Variants in ATP11C observed in about 807,000 individuals in gnomAD.
ATP11C encodes the protein ATPase phospholipid transporting 11C (ATP11C blood group).
In ATP11C, 36 loss-of-function variants were observed where a neutral mutation model predicts 97.4. The observed-to-expected ratio is 0.37, with a 90% CI of 0.28 to 0.49. The LOEUF (loss-of-function observed/expected upper bound fraction) is 0.49. Ranked by LOEUF, ATP11C falls within the 20% of genes least tolerant of loss-of-function variation. The probability of loss-of-function intolerance (pLI) is 0.98; values close to 1 mark genes in which losing one functional copy is unlikely to be tolerated. For missense variants in ATP11C, 730 were observed against 824.6 expected (o/e 0.89, Z 1.40); for synonymous variants, 275 against 290.9 (o/e 0.95, Z 0.56).
chrX:139,743,091 T>C (rs1324900347), intron 26 of ATP11C, among the ~76,000 whole-genome samples: 1 of 108,212 alleles, frequency 9.2e-6, no homozygotes, highest in African/African-American at 3.4e-5. Flanking sequence ...TTTTCACATA[T>C]TATCTTGCTC....
intron 20 of ATP11C, among the ~76,000 whole-genome samples, chrX:139,766,913 T>G (rs758261846): frequency 8.1e-5 from 9 of 111,054 alleles, no homozygotes; most frequent in Non-Finnish European, 1.7e-4. Flanking sequence ...GCCAGGGGAA[T>G]TCAGAGAGAG....
At chrX:139,732,311 ATACTC>A (rs766580925) in intron 28 of ATP11C, 30 of 209,143 alleles carry the variant, frequency 1.4e-4, no homozygotes, top group African/African-American at 8.8e-4. Flanking sequence ...AAATGACAAA[ATACTC>A]TAAGCATCAA....
At chrX:139,803,685 CTTTTTTTTTTTT>C (rs140315105) in intron 6 of ATP11C, among the ~76,000 whole-genome samples, 19 of 38,265 alleles carry the variant, frequency 5.0e-4, no homozygotes, top group East Asian at 4.0e-3. Context: ...TACACCCTAT[CTTTTTTTTTTTT>C]TTTTTTTTTT....
chrX:139,852,183 C>T (rs1484353196), intron 1 of ATP11C, among the ~76,000 whole-genome samples: 2 of 110,231 alleles, frequency 1.8e-5, no homozygotes, highest in African/African-American at 6.6e-5. Flanking sequence ...TTTGGGTGCA[C>T]TCACCATTGT....
chrX:139,884,167 A>G (rs1400468437), intron 1 of ATP11C, among the ~76,000 whole-genome samples: 1 of 111,763 alleles, frequency 8.9e-6, no homozygotes, highest in Non-Finnish European at 1.9e-5. Context: ...TGGAGCCAAC[A>G]GCCCTCCCAA....
chrX:139,796,928 CTTTTT>C (rs920467678), intron 11 of ATP11C, among the ~76,000 whole-genome samples: 2 of 108,825 alleles, frequency 1.8e-5, no homozygotes, highest in African/African-American at 6.8e-5. Context: ...AAAAAAAACT[CTTTTT>C]TTCTTTTCTT....
rs1189520123 is a variant in ATP11C, at chrX:139,860,002, G to C, written c.28-33179C>G. On this transcript the variant is annotated intron_variant, in intron 1 of 29. Transcript: ENST00000682941. ...CGCCTGTAGTCCCAGCTACTTGGGA[G>C]GCTGAGGCAGAAGAATGGCGTGAAC... is the stretch of plus-strand genomic sequence containing the variant. Among the ~76,000 whole-genome samples, 3 of 91,707 alleles carry C rather than the reference G, an allele frequency of 3.3e-5. 1 individual carries two copies. Among genetic ancestry groups the C allele is most frequent in the African/African-American group, 1.1e-4 (2 of 17,623 alleles). 79.6% of individuals were successfully genotyped at this position (91,707 alleles called of 115,157 possible).
intron 1 of ATP11C, among the ~76,000 whole-genome samples, chrX:139,871,892 T>C (rs1463851717): frequency 9.0e-6 from 1 of 111,346 alleles, no homozygotes. Flanking sequence ...TCATGACTAA[T>C]TGTCAAATTT....
upstream of ATP11C, chrX:139,933,210 C>T (rs1401926543): frequency 9.0e-6 from 1 of 110,799 alleles, no homozygotes; most frequent in Admixed American, 9.5e-5. Flanking sequence ...GCTGGGAGCT[C>T]CCCCACACGC....
chrX:139,819,636 G>A (rs931442705), intron 2 of ATP11C, among the ~76,000 whole-genome samples: 7 of 112,101 alleles, frequency 6.2e-5, no homozygotes, highest in African/African-American at 2.3e-4. Context: ...TTCATTCTAC[G>A]CATTACAATA....
At position 139,768,351 on chromosome X, in the gene ATP11C, C is replaced by T; in HGVS notation, c.2300G>A (p.Ser767Asn). The T allele has an allele frequency of 8.4e-7, 1 of 1,186,392 alleles. No homozygotes were observed. The highest frequency in any genetic ancestry group is 1.1e-6 in the Non-Finnish European group (1 of 880,675). ...GAAAATGCTTTTGTAATTGTTTGAA[C>T]TAGAGTCTTGACTAGAATTTAGTAT... ...SLILNSSQDS[S>N]SNNYKSIFLQ... Residue 767 changes from serine to asparagine, a missense_variant, in exon 20 of 30, where the codon AGT becomes AAT. Transcript: ENST00000682941.
At chrX:139,863,555 T>G (rs750481535) in intron 1 of ATP11C, among the ~76,000 whole-genome samples, 1 of 109,576 alleles carries the variant, frequency 9.1e-6, no homozygotes, top group African/African-American at 3.3e-5. Context: ...AAATAAAAAA[T>G]AAATAAAATA....
At chrX:139,927,143 T>C (rs886902987) in intron 1 of ATP11C, among the ~76,000 whole-genome samples, 1 of 111,867 alleles carries the variant, frequency 8.9e-6, no homozygotes, top group Non-Finnish European at 1.9e-5. Flanking sequence ...CCTCTATATC[T>C]ATAGTTGTGT....
chrX:139,764,833 G>A (rs1233428612), intron 20 of ATP11C, among the ~76,000 whole-genome samples: 1 of 111,592 alleles, frequency 9.0e-6, no homozygotes, highest in Admixed American at 9.5e-5. Context: ...CCTCAACTTG[G>A]TTCTTCTTAA....
intron 12 of ATP11C, among the ~76,000 whole-genome samples, chrX:139,791,638 T>A (rs2082692095): frequency 9.0e-6 from 1 of 111,530 alleles, no homozygotes; most frequent in Admixed American, 9.5e-5. Flanking sequence ...TCTCAGGTAG[T>A]GTTGATGCTG....
rs2082634981 is a variant in ATP11C at position 139,789,020 on chromosome X, G to T, written c.1368+307C>A. Among the ~76,000 whole-genome samples, 3 of 110,530 alleles carry T rather than the reference G, an allele frequency of 2.7e-5. No individual in the cohort carries two copies. In the Admixed American group the frequency reaches 2.9e-4, roughly 11 times the overall value. ...GTTTGAGACCAGCCTGACCAACATG[G>T]TGAAACTCCGTTTCTACTAAAAATA... On this transcript the variant is annotated intron_variant, in intron 13 of 29. Transcript: ENST00000682941.
intron 1 of ATP11C, among the ~76,000 whole-genome samples, chrX:139,837,172 T>G (rs1352276810): frequency 8.9e-6 from 1 of 111,989 alleles, no homozygotes; most frequent in East Asian, 2.8e-4. Flanking sequence ...ACAAATGTTT[T>G]TTACCAAATA....
intron 23 of ATP11C, among the ~76,000 whole-genome samples, chrX:139,751,472 T>C (rs1218990494): frequency 8.9e-6 from 1 of 112,773 alleles, no homozygotes; most frequent in African/African-American, 3.2e-5. Flanking sequence ...GTTGCATTCC[T>C]TTTTATTTTC....
intron 1 of ATP11C, among the ~76,000 whole-genome samples, chrX:139,862,402 G>C (rs2084215060): frequency 8.9e-6 from 1 of 111,792 alleles, no homozygotes; most frequent in Non-Finnish European, 1.9e-5. Flanking sequence ...ACTGGTGCCT[G>C]GGAGAGGGGG....
Sources: allele counts gnomAD v4.1 joint callset (sites outside exome capture counted in the v4.1 genomes callset), GRCh38; gene constraint gnomAD v4.1.1; transcripts MANE v1.5; gene names NCBI Gene and HGNC (gene_info 2026-07-23, HGNC 2026-07-21).